MKLN1: variants seen among roughly 807,000 people sequenced by gnomAD.
The protein encoded by MKLN1 is muskelin 1.
In MKLN1, 18 loss-of-function variants were observed where a neutral mutation model predicts 99.0. That is an observed-to-expected ratio of 0.18 (90% confidence interval 0.13 to 0.27). MKLN1 has a LOEUF of 0.27. Ranked by LOEUF, MKLN1 falls within the 10% of genes least tolerant of loss-of-function variation. The probability of loss-of-function intolerance (pLI) is 1.00; values close to 1 mark genes in which losing one functional copy is unlikely to be tolerated. For synonymous variants in MKLN1, 288 were observed against 293.2 expected (o/e 0.98, Z 0.18); for missense variants, 621 against 875.9 (o/e 0.71, Z 3.67).
chr7:131,213,686 A>G (rs1796939092), intron 3 of MKLN1, among the ~76,000 whole-genome samples: 1 of 152,244 alleles, frequency 6.6e-6, no homozygotes, highest in Non-Finnish European at 1.5e-5. Flanking sequence ...CTTAGGATTC[A>G]TATTAATATA....
chr7:131,373,095 A>T (rs1157054865), intron 1 of MKLN1, among the ~76,000 whole-genome samples: 2 of 151,944 alleles, frequency 1.3e-5, no homozygotes, highest in African/African-American at 4.8e-5. Flanking sequence ...TATTTGAAAT[A>T]TTTTTGCTAT....
chr7:131,186,130 G>A (rs951112477), intron 2 of MKLN1, among the ~76,000 whole-genome samples: 1 of 152,120 alleles, frequency 6.6e-6, no homozygotes, highest in Non-Finnish European at 1.5e-5. Flanking sequence ...GGTGGAGGTT[G>A]CAATGAGCCG....
chr7:131,275,565 ATATT>A (rs1563275755), intron 3 of MKLN1, among the ~76,000 whole-genome samples: 3 of 6,604 alleles, frequency 4.5e-4, no homozygotes, highest in South Asian at 9.1e-3. Context: ...ATATATATAT[ATATT>A]TTTTTTTTTT....
chr7:131,129,080 G>A (rs1228836337), intron 1 of MKLN1, among the ~76,000 whole-genome samples: 3 of 151,586 alleles, frequency 2.0e-5, no homozygotes, highest in Non-Finnish European at 4.4e-5. Context: ...AGGCAAAAAG[G>A]AAAAAAAGGA....
chr7:131,267,451 A>T (rs1356120582), intron 3 of MKLN1, among the ~76,000 whole-genome samples: 2 of 152,024 alleles, frequency 1.3e-5, no homozygotes, highest in Non-Finnish European at 2.9e-5. Flanking sequence ...CTCTGTAAAC[A>T]CCCCCAGGAT....
rs572556856 is a variant in MKLN1 at position 131,433,325 on chromosome 7, TAG to T, written c.960+4181_960+4182del. ...AGCAAGAATAACCCATAGATCACAT[TAG>T]CATCTCCTCCATATATCATATCAGG... On this transcript the variant is annotated intron_variant, in intron 9 of 17. Coordinates refer to ENST00000352689, the MANE Select transcript of MKLN1 (RefSeq NM_013255.5). 1.2e-4 allele frequency among the ~76,000 whole-genome samples: 18 copies of T among 152,322 alleles called. 1 individual carries two copies. The South Asian group carries it at 3.7e-3, about 32-fold the overall frequency.
chr7:131,289,468 A>T (rs746373306), intron 3 of MKLN1, among the ~76,000 whole-genome samples: 6 of 152,194 alleles, frequency 3.9e-5, no homozygotes, highest in Non-Finnish European at 8.8e-5. Flanking sequence ...TCTACAAAAA[A>T]TGAAAAAACA....
chr7:131,276,007 G>A (rs2116568971), intron 3 of MKLN1, among the ~76,000 whole-genome samples: 1 of 152,292 alleles, frequency 6.6e-6, no homozygotes, highest in East Asian at 1.9e-4. Flanking sequence ...CTCTGCGCAG[G>A]CAGATACATA....
At chr7:131,418,313 G>C (rs1295063810) in intron 8 of MKLN1, among the ~76,000 whole-genome samples, 1 of 148,938 alleles carries the variant, frequency 6.7e-6, no homozygotes, top group Non-Finnish European at 1.5e-5. Context: ...AGGTTGCAGT[G>C]AGGCGAGATT....
chr7:131,249,307 T>G (rs1261534102), intron 3 of MKLN1, among the ~76,000 whole-genome samples: 1 of 152,186 alleles, frequency 6.6e-6, no homozygotes, highest in Non-Finnish European at 1.5e-5. Flanking sequence ...ACCCATTTGT[T>G]GAAGTGCCCT....
At chr7:131,430,461 TA>T (rs1012232255) in intron 9 of MKLN1, among the ~76,000 whole-genome samples, 72 of 148,972 alleles carry the variant, frequency 4.8e-4, no homozygotes, top group African/African-American at 1.7e-3. Context: ...AATCTTAAAT[TA>T]AAAAAAAAAC....
intron 3 of MKLN1, chr7:131,311,341 T>A (rs1384178547): frequency 6.6e-6 from 1 of 152,176 alleles, no homozygotes; most frequent in Admixed American, 6.5e-5. Context: ...AAAGATGCAA[T>A]TGACAAGGAA....
chr7:131,355,102 G>T (rs192504371), intron 1 of MKLN1, among the ~76,000 whole-genome samples: 1 of 151,848 alleles, frequency 6.6e-6, no homozygotes, highest in Non-Finnish European at 1.5e-5. Context: ...TCACTGTTTT[G>T]TATTCTGTTC....
At chr7:131,333,640 G>A (rs990345540) in intron 1 of MKLN1, among the ~76,000 whole-genome samples, 5 of 151,846 alleles carry the variant, frequency 3.3e-5, no homozygotes, top group African/African-American at 1.2e-4. Context: ...GGGTCCAAGC[G>A]ATTCTCCTAC....
chr7:131,465,573 C>G (rs1180999176), intron 14 of MKLN1, among the ~76,000 whole-genome samples: 1 of 151,750 alleles, frequency 6.6e-6, no homozygotes, highest in Non-Finnish European at 1.5e-5. Context: ...GAGTCTCGGT[C>G]TGTTGCCCAG....
chr7:131,484,021 A>G (rs1797201681), intron 17 of MKLN1, among the ~76,000 whole-genome samples: 1 of 150,984 alleles, frequency 6.6e-6, no homozygotes, highest in Non-Finnish European at 1.5e-5. Context: ...TTATTATATA[A>G]TGTAAAAACA....
At chr7:131,350,209 T>A (rs1180784448) in intron 1 of MKLN1, among the ~76,000 whole-genome samples, 1 of 152,046 alleles carries the variant, frequency 6.6e-6, no homozygotes, top group Non-Finnish European at 1.5e-5. Context: ...TATTTTTTAT[T>A]TCATTTTATT....
Position 131,487,514 on chromosome 7 carries a change from C to A in MKLN1, c.2087-93C>A. 1.4e-6 allele frequency: 2 copies of A among 1,397,352 alleles called. No homozygotes were observed. Among genetic ancestry groups the A allele is most frequent in the South Asian group, 1.4e-5 (1 of 72,908 alleles). 86.6% of individuals were successfully genotyped at this position (1,397,352 alleles called of 1,614,324 possible). On this transcript the variant is annotated intron_variant, in intron 17 of 17. Coordinates refer to ENST00000352689, the MANE Select transcript of MKLN1 (RefSeq NM_013255.5). The surrounding 1 kb of genome is among the most constrained non-coding windows in gnomAD (Gnocchi z 4.7). ...CTGGTTTTGAAGCCTGATTTGATTT[C>A]TCCATTATAAAATACATTGCTGCTG...
intron 3 of MKLN1, among the ~76,000 whole-genome samples, chr7:131,285,871 AT>A (rs931447495): frequency 5.3e-5 from 8 of 151,996 alleles, no homozygotes; most frequent in African/African-American, 1.9e-4. Flanking sequence ...TTTTGCTCTT[AT>A]AAAAACCATT....
Sources: gnomAD v4.1 joint callset for allele counts (sites outside exome capture counted in the v4.1 genomes callset) on GRCh38, gnomAD v4.1.1 for gene constraint, Gnocchi (gnomAD v3.1) non-coding constraint, MANE v1.5 for transcripts, NCBI Gene and HGNC (gene_info 2026-07-23, HGNC 2026-07-21) for gene names.